Variants in GPHN observed in about 807,000 individuals in gnomAD.
GPHN encodes gephyrin.
In GPHN, 17 loss-of-function variants were observed where a neutral mutation model predicts 95.5. The observed-to-expected ratio is 0.18, with a 90% CI of 0.12 to 0.27. GPHN has a LOEUF of 0.27. GPHN is among the 10% of genes least tolerant of loss of function. GPHN has a pLI of 1.00. For missense variants in GPHN, 660 were observed against 978.1 expected (o/e 0.67, Z 4.34); for synonymous variants, 320 against 322.5 (o/e 0.99, Z 0.08).
intron 1 of GPHN, among the ~76,000 whole-genome samples, chr14:66,605,253 T>A (rs1044453952): frequency 3.9e-5 from 6 of 152,150 alleles, no homozygotes; most frequent in African/African-American, 1.4e-4. Context: ...AGTCCTGTTG[T>A]AAGTTTTTGA....
chr14:67,208,092 T>C, the GPHN span: 1 of 1,449,476 alleles, frequency 6.9e-7, no homozygotes, highest in Non-Finnish European at 9.3e-7. Context: ...TCCTCACGGG[T>C]GCTCAGTGAC....
chr14:67,388,237 A>G, the GPHN span: 9 of 1,612,496 alleles, frequency 5.6e-6, no homozygotes, highest in Non-Finnish European at 7.6e-6. Context: ...TGGGAACGCC[A>G]TTATCTTCCA....
intron 2 of GPHN, among the ~76,000 whole-genome samples, chr14:66,770,224 A>G (rs1442932475): frequency 1.3e-5 from 2 of 152,292 alleles, no homozygotes; most frequent in East Asian, 3.9e-4. Context: ...GATGCTGGCT[A>G]TTAGACCTTT....
chr14:66,536,522 A>T (rs1417631235), intron 1 of GPHN, among the ~76,000 whole-genome samples: 2 of 118,340 alleles, frequency 1.7e-5, no homozygotes, highest in Non-Finnish European at 3.2e-5. Context: ...ATAGTCCTTT[A>T]TTATAATATT....
chr14:67,647,983 T>G, the GPHN span: 3 of 1,460,382 alleles, frequency 2.1e-6, no homozygotes, highest in Non-Finnish European at 2.8e-6. Flanking sequence ...ATAAGAAGGA[T>G]GAGTGTCCAA....
the GPHN span, among the ~76,000 whole-genome samples, chr14:67,282,031 A>T: frequency 6.6e-6 from 1 of 152,160 alleles, no homozygotes; most frequent in Non-Finnish European, 1.5e-5. Flanking sequence ...GGATAGGAGA[A>T]GATGTATTTT....
chr14:66,929,990 C>T (rs1488599866), intron 8 of GPHN, among the ~76,000 whole-genome samples: 2 of 152,104 alleles, frequency 1.3e-5, no homozygotes, highest in African/African-American at 2.4e-5. Context: ...GGATTACAGG[C>T]GTGAGCCACC....
intron 4 of GPHN, among the ~76,000 whole-genome samples, chr14:66,858,233 G>A (rs1460214105): frequency 6.6e-6 from 1 of 151,738 alleles, no homozygotes; most frequent in Non-Finnish European, 1.5e-5. Flanking sequence ...CATGCCTCAG[G>A]CCACATAGCT....
At chr14:66,743,219 G>A (rs560219770) in intron 2 of GPHN, among the ~76,000 whole-genome samples, 1 of 151,270 alleles carries the variant, frequency 6.6e-6, no homozygotes, top group Non-Finnish European at 1.5e-5. Flanking sequence ...TTATACTTCT[G>A]GTAGACTTTT....
the GPHN span, among the ~76,000 whole-genome samples, chr14:67,437,426 C>T: frequency 4.6e-5 from 7 of 152,172 alleles, no homozygotes; most frequent in Non-Finnish European, 7.3e-5. Flanking sequence ...GGGTGGGCAG[C>T]GGCCAGATTA....
chr14:67,402,610 C>T, the GPHN span, among the ~76,000 whole-genome samples: 1 of 152,208 alleles, frequency 6.6e-6, no homozygotes, highest in African/African-American at 2.4e-5. Context: ...TGGTAACCAT[C>T]CTTCTACTCT....
chr14:67,095,966 CAAAAAA>C, intron 12 of GPHN, among the ~76,000 whole-genome samples: 6 of 67,086 alleles, frequency 8.9e-5, no homozygotes, highest in East Asian at 3.8e-4. Context: ...AAGAAAAAGG[CAAAAAA>C]AAAAAAAAAA....
intron 3 of GPHN, among the ~76,000 whole-genome samples, chr14:66,803,920 A>AT (rs1231015971): frequency 2.0e-5 from 3 of 150,336 alleles, no homozygotes; most frequent in African/African-American, 4.9e-5. Flanking sequence ...CATTTTGTTA[A>AT]TTTTTTTTCT....
chr14:67,331,523 G>C, the GPHN span, among the ~76,000 whole-genome samples: 1 of 152,118 alleles, frequency 6.6e-6, no homozygotes, highest in Non-Finnish European at 1.5e-5. Context: ...GAAGGCTTGA[G>C]AGTGGCTATC....
chr14:66,817,841 C>T (rs1399539139), intron 3 of GPHN, among the ~76,000 whole-genome samples: 2 of 152,086 alleles, frequency 1.3e-5, no homozygotes, highest in African/African-American at 2.4e-5. Flanking sequence ...CCTTTTGAAA[C>T]CTAGGCTTCA....
chr14:66,961,287 T>C (rs2068882522), intron 8 of GPHN, among the ~76,000 whole-genome samples: 1 of 152,084 alleles, frequency 6.6e-6, no homozygotes. Flanking sequence ...TGCCAATTTA[T>C]TTTCTGCTTT....
the GPHN span, among the ~76,000 whole-genome samples, chr14:67,299,841 G>A: frequency 6.6e-6 from 1 of 152,178 alleles, no homozygotes; most frequent in Non-Finnish European, 1.5e-5. Flanking sequence ...CTGACTCAGT[G>A]TATTTTGTAT....
the GPHN span, chr14:67,589,329 A>G: frequency 2.0e-6 from 2 of 979,592 alleles, no homozygotes; most frequent in Non-Finnish European, 2.4e-6. Context: ...TTGCTTATTT[A>G]TTCTTTGTTA....
chr14:67,196,005 C>G, the GPHN span, among the ~76,000 whole-genome samples: 1 of 151,990 alleles, frequency 6.6e-6, no homozygotes, highest in Admixed American at 6.5e-5. Context: ...AGGCTGTTCT[C>G]GAACTCCTGA....
Sources: allele counts gnomAD v4.1 joint callset (sites outside exome capture counted in the v4.1 genomes callset), GRCh38; gene constraint gnomAD v4.1.1; transcripts MANE v1.5; gene names NCBI Gene and HGNC (gene_info 2026-07-23, HGNC 2026-07-21).